LAT2: variants seen among roughly 807,000 people sequenced by gnomAD.
The protein encoded by LAT2 is linker for activation of T cells family member 2.
LAT2 carries 23 observed loss-of-function variants against 43.4 expected under a neutral mutation model. The observed-to-expected ratio is 0.53, with a 90% confidence interval of 0.38 to 0.75. LAT2 has a LOEUF of 0.75. LAT2 is among the 30% of genes least tolerant of loss of function. The pLI is 0.00. For missense variants in LAT2, 284 were observed against 310.2 expected, an observed-to-expected ratio of 0.92 and a Z score of 0.64; for synonymous variants, 128 against 123.2, an observed-to-expected ratio of 1.04 and a Z score of -0.26.
intron 12 of LAT2, 69 bp from the exon 13 acceptor site, chr7:74,224,570 G>C (rs754604561): frequency 2.2e-6 from 3 of 1,366,006 alleles, no homozygotes; most frequent in Non-Finnish European, 3.1e-6. Context: ...GGGGGTCTGA[G>C]TCTGGGGGAG....
At chr7:74,223,683 G>T in intron 10 of LAT2, 41 bp from the exon 11 acceptor site, 14 of 1,585,480 alleles carry the variant, frequency 8.8e-6, no homozygotes, top group Non-Finnish European at 1.2e-5. Flanking sequence ...GCTTTGCAGG[G>T]TCTGCCCACA....
In LAT2 at chr7:74,224,033, G is replaced by T; in HGVS notation, c.464G>T (p.Gly155Val). The change falls in exon 12 of 14, where the codon GGC (glycine) becomes GTC (valine). Residue 155 changes from glycine (G) to valine (V), a missense_variant. By Grantham distance (109) the Gly-to-Val change is moderately radical. Coordinates refer to ENST00000460943, the MANE Select transcript of LAT2 (RefSeq NM_032464.3). ...CTCTCTGCAGGTGCCCAGCAGGAGG[G>T]CATAGGTGGCCTCTGCAGAGGGGAC... The part of the protein sequence containing the change: ...KTTETGAQQE[G>V]IGGLCRGDLS... The T allele has an allele frequency of 6.2e-7, 1 of 1,613,974 alleles. No homozygotes were observed. The highest frequency in any genetic ancestry group is 1.3e-5 in the African/African-American group (1 of 75,048).
At chr7:74,210,840 C>T (rs553654597) in intron 1 of LAT2, among the ~76,000 whole-genome samples, 186 of 152,024 alleles carry the variant, frequency 1.2e-3, no homozygotes, top group Non-Finnish European at 1.5e-4. Flanking sequence ...ACCAACAGAC[C>T]CCAGAGCAGA....
At chr7:74,219,194 G>A (rs994567521) in intron 4 of LAT2, among the ~76,000 whole-genome samples, 4 of 151,392 alleles carry the variant, frequency 2.6e-5, no homozygotes, top group Non-Finnish European at 4.4e-5. Context: ...CCGCCACCGC[G>A]CCCGGCTAAT....
chr7:74,224,477 C>A (rs538279144), intron 12 of LAT2, among the ~76,000 whole-genome samples, 162 bp from the exon 13 acceptor site: 1 of 152,312 alleles, frequency 6.6e-6, no homozygotes, highest in South Asian at 2.1e-4. Context: ...GGACGATCTC[C>A]GGCAAATCCC....
chr7:74,224,470 C>T (rs1200254123), intron 12 of LAT2, among the ~76,000 whole-genome samples, 169 bp from the exon 13 acceptor site: 2 of 152,204 alleles, frequency 1.3e-5, no homozygotes, highest in South Asian at 4.1e-4. Context: ...CACAGCAGGA[C>T]GATCTCCGGC....
At chr7:74,216,934 C>A in intron 4 of LAT2, 70 bp downstream of exon 4, 1 of 1,345,868 alleles carries the variant, frequency 7.4e-7, no homozygotes, top group South Asian at 1.2e-5. Flanking sequence ...CAAGGGAATT[C>A]CTAGCACCCC....
chr7:74,211,017 G>A (rs113956940), intron 1 of LAT2, among the ~76,000 whole-genome samples: 1 of 151,968 alleles, frequency 6.6e-6, no homozygotes, highest in Non-Finnish European at 1.5e-5. Flanking sequence ...GCCCAGCCCC[G>A]AGAACTTCCC....
rs1368697523 is a variant in LAT2, at chr7:74,214,284, A to G, written c.-218-538A>G. On this transcript the variant is annotated intron_variant, in intron 1 of 13. Transcript: ENST00000460943. ...TATATATGAAAATATATATATAAAT[A>G]TATATATGAAAATATATATATAAAT... is the stretch of plus-strand genomic sequence containing the variant. 9.0e-5 allele frequency among the ~76,000 whole-genome samples: 8 copies of G among 89,322 alleles called. No homozygotes were observed. The South Asian group carries it at 2.8e-3, about 31-fold the overall frequency. 58.6% of individuals were successfully genotyped at this position (89,322 alleles called of 152,430 possible).
intron 1 of LAT2, 133 bp downstream of exon 1, chr7:74,210,221 C>T (rs1463873971): frequency 6.6e-6 from 1 of 152,612 alleles, no homozygotes; most frequent in Non-Finnish European, 1.5e-5. Flanking sequence ...CTCACCCTGG[C>T]ACCAGGCTCT....
chr7:74,213,465 C>T lies in LAT2; in HGVS notation c.-218-1357C>T, dbSNP rs192680754. On this transcript the variant is annotated intron_variant, in intron 1 of 13. Transcript: ENST00000460943. ...TTTGAGATGGAGTCTCGCTCTGTTG[C>T]CCAGGCTGGAGTGCAGTGGCATGAT... Among the ~76,000 whole-genome samples, 166 of 136,240 alleles carry T rather than the reference C, an allele frequency of 1.2e-3. 1 individual carries two copies. Among genetic ancestry groups the T allele is most frequent in the African/African-American group, 4.3e-3 (154 of 36,122 alleles). The allele number at this position is 136,240 out of a possible 152,430, so 89.4% of individuals were successfully genotyped here. A position where few individuals can be genotyped will look rare whatever the true frequency, so the allele number is the denominator to read the frequency against.
At chr7:74,211,898 G>A (rs572659474) in intron 1 of LAT2, among the ~76,000 whole-genome samples, 23 of 152,130 alleles carry the variant, frequency 1.5e-4, no homozygotes, top group South Asian at 6.2e-4. Context: ...GGCCAACAGC[G>A]CAGGATGTAT....
chr7:74,220,755 CCCCCCTGCCTCGCCTCT>C lies in LAT2; in HGVS notation c.332+31_332+47del. 2.0e-6 allele frequency: 3 copies of C among 1,533,664 alleles called. No individual in the cohort carries two copies. Among genetic ancestry groups the C allele is most frequent in the Admixed American group, 1.9e-5 (1 of 52,274 alleles). On this transcript the variant is annotated intron_variant, in intron 9 of 13. Transcript: ENST00000460943. The surrounding 1 kb of genome is among the most constrained non-coding windows in gnomAD (Gnocchi z 4.5). ...TACATGTGAGTGACCTTGATCCTGTCCCCCCTGCCTCGCCTCTCCCCCTGCCCCACCTCTCCCCCTGC... is the reference window on the plus strand; with the variant it reads ...TACATGTGAGTGACCTTGATCCTGTCCCCCCTGCCCCACCTCTCCCCCTGC...
rs1584215257 is a variant in LAT2, at chr7:74,216,927, G to A, written c.134+63G>A. 5 of 1,439,350 alleles carry A rather than the reference G, an allele frequency of 3.5e-6. No individual in the cohort carries two copies. The East Asian group carries it at 9.1e-5, about 26-fold the overall frequency. 89.2% of individuals were successfully genotyped at this position (1,439,350 alleles called of 1,614,324 possible). On this transcript the variant is annotated intron_variant, in intron 4 of 13. Transcript: ENST00000460943. ...GTGCCCTGGGCATGGACGTCCTCAA[G>A]GGAATTCCTAGCACCCCATCCTTCA... is the stretch of plus-strand genomic sequence containing the variant.
At position 74,221,710 on chromosome 7, in the gene LAT2, G is replaced by A. The variant is rs1802289406; in HGVS notation, c.388+18G>A. On this transcript the variant is annotated intron_variant, in intron 10 of 13. Coordinates refer to ENST00000460943, the MANE Select transcript of LAT2 (RefSeq NM_032464.3). Reference sequence around the variant, plus strand: ...CCCAGAAGGTGAGGCGAAGGACAAAGCCGGAGGTGGAGGAAGTGGTGTGGG... The same window carrying A: ...CCCAGAAGGTGAGGCGAAGGACAAAACCGGAGGTGGAGGAAGTGGTGTGGG... The A allele has an allele frequency of 6.2e-7, 1 of 1,606,396 alleles. No individual in the cohort carries two copies. Among genetic ancestry groups the A allele is most frequent in the South Asian group, 1.1e-5 (1 of 90,600 alleles).
Position 74,224,702 on chromosome 7 carries a change from C to T in LAT2, c.692C>T (p.Pro231Leu), listed in dbSNP as rs782616155. 8 of 1,606,916 alleles carry T rather than the reference C, an allele frequency of 5.0e-6. No individual in the cohort carries two copies. The highest frequency in any genetic ancestry group is 1.6e-4 in the Middle Eastern group (1 of 6,072). The change falls in exon 13 of 14, where the codon CCG becomes CTG. Residue 231 changes from proline (P) to leucine (L), a missense_variant. By Grantham distance (98) the Pro-to-Leu change is moderately conservative. Transcript: ENST00000460943. ...VGSPDEEDGE[P>L]DYVNGEVAAT... ...AGCCCAGACGAGGAGGACGGGGAACCGGATTACGTGAATGGGGAGGTGGCA... is the reference window on the plus strand; with the variant it reads ...AGCCCAGACGAGGAGGACGGGGAACTGGATTACGTGAATGGGGAGGTGGCA...
At chr7:74,211,300 G>A (rs1369745158) in intron 1 of LAT2, among the ~76,000 whole-genome samples, 2 of 152,086 alleles carry the variant, frequency 1.3e-5, no homozygotes, top group South Asian at 2.1e-4. Context: ...TTTTTTAAAC[G>A]GAGTCTCACT....
Position 74,220,634 on chromosome 7 carries a change from G to A in LAT2, c.301+15G>A. On this transcript the variant is annotated intron_variant, in intron 8 of 13. Coordinates refer to ENST00000460943, the MANE Select transcript of LAT2 (RefSeq NM_032464.3). The surrounding 1 kb of genome is among the most constrained non-coding windows in gnomAD (Gnocchi z 4.5). ...CTTCAGCAAAGGTAGGTAGGCTCCT[G>A]GAGAAAGGGGGAGGCCATGGTGGGG... 6.2e-7 allele frequency: 1 copy of A among 1,614,024 alleles called. No individual in the cohort carries two copies. Among genetic ancestry groups the A allele is most frequent in the African/African-American group, 1.3e-5 (1 of 75,060 alleles).
At chr7:74,223,674 C>T in intron 10 of LAT2, 50 bp from the exon 11 acceptor site, 2 of 1,553,280 alleles carry the variant, frequency 1.3e-6, no homozygotes, top group Non-Finnish European at 1.8e-6. Context: ...ATGAGCCAGG[C>T]TTTGCAGGGT....
Sources: allele counts gnomAD v4.1 joint callset (sites outside exome capture counted in the v4.1 genomes callset), GRCh38; gene constraint gnomAD v4.1.1; non-coding constraint Gnocchi (gnomAD v3.1); transcripts MANE v1.5; gene names NCBI Gene and HGNC (gene_info 2026-07-23, HGNC 2026-07-21).